Variants in APAF1 observed in about 807,000 individuals in gnomAD.
The protein encoded by APAF1 is apoptotic peptidase activating factor 1.
In APAF1, 91 loss-of-function variants were observed where a neutral mutation model predicts 152.4. That is an observed-to-expected ratio of 0.60 (90% CI 0.50 to 0.71). APAF1 has a LOEUF of 0.71. APAF1 is among the 30% of genes least tolerant of loss of function. The probability of loss-of-function intolerance (pLI) is 0.00; values close to 1 mark genes in which losing one functional copy is unlikely to be tolerated. For synonymous variants in APAF1, 484 were observed against 494.1 expected (o/e 0.98, Z 0.27); for missense variants, 1,283 against 1,472.0 (o/e 0.87, Z 2.10).
At chr12:98,724,858 A>G (rs2097748142) in intron 24 of APAF1, among the ~76,000 whole-genome samples, 2 of 152,076 alleles carry the variant, frequency 1.3e-5, no homozygotes, top group Non-Finnish European at 1.5e-5. Flanking sequence ...TGTGGTTGCT[A>G]AATGATGTTG....
At chr12:98,663,954 GGCCA>G (rs1287541365) in intron 7 of APAF1, among the ~76,000 whole-genome samples, 1 of 151,726 alleles carries the variant, frequency 6.6e-6, no homozygotes, top group Non-Finnish European at 1.5e-5. Flanking sequence ...TACCATACCT[GGCCA>G]CCTTATTTTT....
At position 98,665,447 on chromosome 12, in the gene APAF1, A is replaced by G. The variant is rs138686057; in HGVS notation, c.956-106A>G. ...GTGATAAATACTTAAGGCTTTTGAT[A>G]ACATGCAGCAGAAATTGTTTCTTAG... On this transcript the variant is annotated intron_variant, in intron 7 of 26. Transcript: ENST00000551964. 1,608 of 820,308 alleles carry G rather than the reference A, an allele frequency of 2.0e-3. 4 individuals are homozygous for G. The highest frequency in any genetic ancestry group is 2.8e-3 in the Non-Finnish European group (1,322 of 472,328). 50.8% of individuals were successfully genotyped at this position (820,308 alleles called of 1,614,324 possible).
chr12:98,666,476 CTAATAT>C, intron 9 of APAF1, 119 bp downstream of exon 9: 1 of 935,500 alleles, frequency 1.1e-6, no homozygotes, highest in Admixed American at 2.6e-5. Context: ...CTAGCTTCCC[CTAATAT>C]TAACATTTTA....
intron 9 of APAF1, 130 bp from the exon 10 acceptor site, chr12:98,667,383 T>C: frequency 9.2e-7 from 1 of 1,091,770 alleles, no homozygotes; most frequent in Non-Finnish European, 1.4e-6. Flanking sequence ...CCCAAAGTGC[T>C]GGGATTACAG....
At chr12:98,650,605 G>T (rs2097647766) in intron 4 of APAF1, among the ~76,000 whole-genome samples, 1 of 151,674 alleles carries the variant, frequency 6.6e-6, no homozygotes, top group South Asian at 2.1e-4. Flanking sequence ...TTAGAAATAT[G>T]GAGGCTAGGG....
At chr12:98,702,520 AT>A (rs2097716632) in intron 17 of APAF1, among the ~76,000 whole-genome samples, 1 of 152,156 alleles carries the variant, frequency 6.6e-6, no homozygotes, top group Admixed American at 6.5e-5. Flanking sequence ...GCATTTATAA[AT>A]CTTAAAAATT....
rs2097768235 is a variant in APAF1, at chr12:98,735,393, T to A, written c.*2827T>A. On this transcript the variant is annotated 3_prime_UTR_variant, in exon 27 of 27. Transcript: ENST00000551964. Reference sequence around the variant, plus strand: ...CATTTTAAAATATGAATTTAAAAAATTTTTGTAAAAATAAAATTCACAAAA... The same window carrying A: ...CATTTTAAAATATGAATTTAAAAAAATTTTGTAAAAATAAAATTCACAAAA... The A allele has an allele frequency of 1.2e-5, 5 of 429,368 alleles. No homozygotes were observed. In the East Asian group the frequency reaches 1.6e-4, roughly 14 times the overall value. The allele number at this position is 429,368 out of a possible 1,614,324, so 26.6% of individuals were successfully genotyped here. A position where few individuals can be genotyped will look rare whatever the true frequency, so the allele number is the denominator to read the frequency against.
chr12:98,649,608 C>A lies in APAF1; in HGVS notation c.450C>A (p.Val150=). 6.2e-7 allele frequency: 1 copy of A among 1,614,128 alleles called. No homozygotes were observed. Among genetic ancestry groups the A allele is most frequent in the South Asian group, 1.1e-5 (1 of 91,076 alleles). The stretch of plus-strand genomic sequence containing the variant: ...AATTGAAAGGTGAACCAGGATGGGT[C>A]ACCATACATGGAATGGCAGGCTGTG... ...LSKLKGEPGW[V]TIHGMAGCGK... is the part of the protein sequence containing the mutation. The change falls in exon 4 of 27, where the codon GTC becomes GTA. Residue 150 remains valine (V), a synonymous_variant. Transcript: ENST00000551964.
In APAF1 at chr12:98,735,280, T is replaced by C. The variant is rs1223091053; in HGVS notation, c.*2714T>C. 5.0e-6 allele frequency: 2 copies of C among 399,896 alleles called. No homozygotes were observed. Among genetic ancestry groups the C allele is most frequent in the Admixed American group, 4.4e-5 (1 of 22,856 alleles). The allele number at this position is 399,896 out of a possible 1,614,324, so 24.8% of individuals were successfully genotyped here. Reference sequence around the variant, plus strand: ...TAAATTACATTGGACTTCATATATATAATTTTTTTTTACATTATATGTCTC... The same window carrying C: ...TAAATTACATTGGACTTCATATATACAATTTTTTTTTACATTATATGTCTC... On this transcript the variant is annotated 3_prime_UTR_variant, in exon 27 of 27. Coordinates refer to ENST00000551964, the MANE Select transcript of APAF1 (RefSeq NM_181861.2).
At chr12:98,706,739 C>G (rs2097721812) in intron 19 of APAF1, 129 bp downstream of exon 19, 1 of 1,069,316 alleles carries the variant, frequency 9.4e-7, no homozygotes, top group Non-Finnish European at 1.4e-6. Flanking sequence ...CCTATTCACC[C>G]TGGAAAAGTG....
intron 4 of APAF1, among the ~76,000 whole-genome samples, chr12:98,658,538 T>A (rs2097660663): frequency 6.6e-6 from 1 of 152,214 alleles, no homozygotes; most frequent in South Asian, 2.1e-4. Flanking sequence ...AATGATTTGA[T>A]AAAGATTGCT....
chr12:98,659,441 C>A, intron 5 of APAF1, 98 bp downstream of exon 5: 1 of 1,291,608 alleles, frequency 7.7e-7, no homozygotes, highest in Admixed American at 1.7e-5. Context: ...TCCTGCTGTT[C>A]TATAGGGAGG....
intron 25 of APAF1, among the ~76,000 whole-genome samples, 186 bp from the exon 26 acceptor site, chr12:98,726,987 A>G (rs1317208496): frequency 6.6e-6 from 1 of 152,196 alleles, no homozygotes; most frequent in Non-Finnish European, 1.5e-5. Context: ...TTGAAAAATT[A>G]GAGCACTGCT....
rs12099698 is a variant in APAF1, at chr12:98,668,705, C to T, written c.1494+1061C>T. 3.1e-3 allele frequency among the ~76,000 whole-genome samples: 476 copies of T among 152,226 alleles called. 4 individuals are homozygous for T. Among genetic ancestry groups the T allele is most frequent in the African/African-American group, 0.011 (457 of 41,538 alleles). On this transcript the variant is annotated intron_variant, in intron 10 of 26. Coordinates refer to ENST00000551964, the MANE Select transcript of APAF1 (RefSeq NM_181861.2). ...ATGACTCAAACCCCAGTGGAAAGAA[C>T]GGAGTCCATGAACTGAAACAGGGGT... is the stretch of plus-strand genomic sequence containing the variant.
chr12:98,723,515 G>A, intron 23 of APAF1, 124 bp from the exon 24 acceptor site: 1 of 1,022,034 alleles, frequency 9.8e-7, no homozygotes, highest in Non-Finnish European at 1.5e-6. Flanking sequence ...TAAAGTAAAG[G>A]GGTCAGAACA....
At chr12:98,663,847 C>T (rs1225648202) in intron 7 of APAF1, among the ~76,000 whole-genome samples, 20 of 151,800 alleles carry the variant, frequency 1.3e-4, no homozygotes, top group African/African-American at 4.6e-4. Context: ...TCAGTAGAGA[C>T]GGGGTTTCGC....
chr12:98,659,382 T>C, intron 5 of APAF1, 39 bp downstream of exon 5: 1 of 1,599,598 alleles, frequency 6.3e-7, no homozygotes, highest in Non-Finnish European at 8.6e-7. Context: ...TCAGGTCCCA[T>C]GTCCCAATAA....
intron 5 of APAF1, among the ~76,000 whole-genome samples, chr12:98,661,109 A>T (rs2288733): frequency 2.6e-5 from 4 of 151,958 alleles, no homozygotes; most frequent in Non-Finnish European, 5.9e-5. Context: ...CACCGTGTTA[A>T]CCAGGATGGT....
chr12:98,712,673 T>G, intron 21 of APAF1: 1 of 455,882 alleles, frequency 2.2e-6, no homozygotes, highest in Non-Finnish European at 3.9e-6. Context: ...TACGTCACCA[T>G]GCCCGACTAA....
Sources: gnomAD v4.1 joint callset for allele counts (sites outside exome capture counted in the v4.1 genomes callset) on GRCh38, gnomAD v4.1.1 for gene constraint, MANE v1.5 for transcripts, NCBI Gene and HGNC (gene_info 2026-07-23, HGNC 2026-07-21) for gene names.